The following NRXN1 variants were observed in gnomAD, a reference collection of about 807,000 sequenced individuals.
NRXN1 encodes neurexin-1.
In NRXN1, 39 loss-of-function variants were observed where a neutral mutation model predicts 150.9. That is an observed-to-expected ratio of 0.26 (90% CI 0.20 to 0.34). NRXN1 has a LOEUF of 0.34. Ranked by LOEUF, NRXN1 falls within the 10% of genes least tolerant of loss-of-function variation. NRXN1 has a pLI of 1.00. For missense variants in NRXN1, 1,815 were observed against 1,949.9 expected (o/e 0.93, Z 1.30); for synonymous variants, 924 against 757.0 (o/e 1.22, Z -3.62).
chr2:49,949,515 G>A (rs567734295), intron 21 of NRXN1, among the ~76,000 whole-genome samples: 5 of 151,932 alleles, frequency 3.3e-5, no homozygotes, highest in Middle Eastern at 3.4e-3. Flanking sequence ...CAATGAAGAC[G>A]CTTACAGAAA....
chr2:50,778,537 G>C (rs1306088216), intron 5 of NRXN1, among the ~76,000 whole-genome samples: 3 of 152,134 alleles, frequency 2.0e-5, no homozygotes, highest in Admixed American at 2.0e-4. Context: ...GTAGTAAGAA[G>C]GCCACTGGAA....
At chr2:50,796,564 A>C (rs1339414446) in intron 5 of NRXN1, among the ~76,000 whole-genome samples, 2 of 152,134 alleles carry the variant, frequency 1.3e-5, no homozygotes, top group Non-Finnish European at 2.9e-5. Flanking sequence ...ACACTTTCTC[A>C]GTAGTTCAAA....
At chr2:50,640,394 G>C (rs930921124) in intron 5 of NRXN1, among the ~76,000 whole-genome samples, 28 of 152,130 alleles carry the variant, frequency 1.8e-4, no homozygotes, top group African/African-American at 6.8e-4. Flanking sequence ...TATGATCTAT[G>C]TATAATATTG....
chr2:50,734,516 T>C (rs2105224907), intron 5 of NRXN1, among the ~76,000 whole-genome samples: 1 of 152,230 alleles, frequency 6.6e-6, no homozygotes, highest in South Asian at 2.1e-4. Context: ...TTGTTTTTGT[T>C]AGGTGTGAAG....
At chr2:50,349,730 G>C (rs1018428183) in intron 17 of NRXN1, among the ~76,000 whole-genome samples, 3 of 152,152 alleles carry the variant, frequency 2.0e-5, no homozygotes, top group East Asian at 1.9e-4. Flanking sequence ...TATGTCAACT[G>C]CTCCCTGACA....
intron 17 of NRXN1, among the ~76,000 whole-genome samples, chr2:50,363,384 C>A (rs2079358663): frequency 6.6e-6 from 1 of 152,028 alleles, no homozygotes; most frequent in Non-Finnish European, 1.5e-5. Context: ...GGAACTTAAA[C>A]AAATTTACAA....
At chr2:50,382,046 A>C (rs144717435) in intron 17 of NRXN1, among the ~76,000 whole-genome samples, 10 of 152,254 alleles carry the variant, frequency 6.6e-5, no homozygotes, top group Admixed American at 1.3e-4. Flanking sequence ...CAAGGCCCAG[A>C]GTAGAGCAGA....
At chr2:51,010,408 C>T (rs187745874) in intron 2 of NRXN1, among the ~76,000 whole-genome samples, 2 of 152,062 alleles carry the variant, frequency 1.3e-5, no homozygotes, top group Admixed American at 6.6e-5. Context: ...TTTTAACAAA[C>T]TTCCATACCA....
rs143917051 is a variant in NRXN1 at position 51,024,159 on chromosome 2, T to A, written c.772+3343A>T. On this transcript the variant is annotated intron_variant, in intron 2 of 22. Transcript: ENST00000401669. ...TATGAGTGCTCTTAAGTAGAAATAA[T>A]GTTCAAGGTCATTTAGATGAGACCA... is the stretch of plus-strand genomic sequence containing the variant. 4.1e-3 allele frequency among the ~76,000 whole-genome samples: 617 copies of A among 152,274 alleles called. 4 individuals are homozygous for A. The highest frequency in any genetic ancestry group is 0.01 in the Middle Eastern group (3 of 294).
chr2:50,778,677 A>C (rs1703968382), intron 5 of NRXN1, among the ~76,000 whole-genome samples: 1 of 152,160 alleles, frequency 6.6e-6, no homozygotes, highest in African/African-American at 2.4e-5. Flanking sequence ...AACTAGAAAG[A>C]GGGATATGTT....
chr2:49,968,420 T>A (rs868665227), intron 21 of NRXN1, among the ~76,000 whole-genome samples: 2 of 152,232 alleles, frequency 1.3e-5, no homozygotes, highest in Middle Eastern at 3.4e-3. Context: ...TCATAAAGCA[T>A]GAAACCGGCT....
At chr2:50,312,687 A>T in intron 17 of NRXN1, 1 of 504,932 alleles carries the variant, frequency 2.0e-6, no homozygotes, top group Non-Finnish European at 4.0e-6. Context: ...TTTTTGTCAC[A>T]TCCTCTCATC....
At chr2:50,436,201 C>G (rs1034541084) in intron 17 of NRXN1, among the ~76,000 whole-genome samples, 1 of 152,148 alleles carries the variant, frequency 6.6e-6, no homozygotes, top group Non-Finnish European at 1.5e-5. Flanking sequence ...CGCCTGTAAT[C>G]CCAGCACTTT....
intron 18 of NRXN1, among the ~76,000 whole-genome samples, chr2:50,110,491 C>CAA (rs5831088): frequency 0.016 from 1,386 of 85,546 alleles, 41 homozygotes; most frequent in African/African-American, 0.057. Flanking sequence ...GACTCTGTCT[C>CAA]AAAAAAAAAA....
At chr2:50,922,155 A>C (rs1279614253) in intron 4 of NRXN1, among the ~76,000 whole-genome samples, 1 of 151,884 alleles carries the variant, frequency 6.6e-6, no homozygotes, top group East Asian at 1.9e-4. Flanking sequence ...ACATACAATA[A>C]ATCTACGTAG....
At position 50,420,962 on chromosome 2, in the gene NRXN1, C is replaced by CTGTGTG. The variant is rs4032055; in HGVS notation, c.3364+44474_3364+44479dup. On this transcript the variant is annotated intron_variant, in intron 17 of 22. Coordinates refer to ENST00000401669, the MANE Select transcript of NRXN1 (RefSeq NM_001330078.2). ...CCTGGTCACCCTAGTCAAAATAGAC[C>CTGTGTG]TGTGTGTGTGTGTGTGTGTGTGTGT... Among the ~76,000 whole-genome samples the CTGTGTG allele has an allele frequency of 8.6e-3, 1,037 of 119,996 alleles. 6 individuals carry two copies. The highest frequency in any genetic ancestry group is 0.01 in the Non-Finnish European group (579 of 55,164). 78.7% of individuals were successfully genotyped at this position (119,996 alleles called of 152,430 possible).
chr2:50,520,036 G>C (rs2092742709), intron 12 of NRXN1, among the ~76,000 whole-genome samples: 1 of 151,786 alleles, frequency 6.6e-6, no homozygotes. Flanking sequence ...CTATACCATG[G>C]CTCTATATTT....
At chr2:50,105,762 G>T (rs1044994788) in intron 18 of NRXN1, among the ~76,000 whole-genome samples, 2 of 151,974 alleles carry the variant, frequency 1.3e-5, no homozygotes, top group African/African-American at 4.8e-5. Flanking sequence ...GGTGTTCCAT[G>T]TGTCATGATC....
chr2:50,631,248 A>G, intron 5 of NRXN1: 1 of 382,830 alleles, frequency 2.6e-6, no homozygotes, highest in Non-Finnish European at 5.1e-6. Context: ...TTTATAAAAT[A>G]TTCACTCTTC....
Sources: allele counts gnomAD v4.1 joint callset (sites outside exome capture counted in the v4.1 genomes callset), GRCh38; gene constraint gnomAD v4.1.1; transcripts MANE v1.5; gene names NCBI Gene and HGNC (gene_info 2026-07-23, HGNC 2026-07-21).